TCAIM: variants seen among roughly 807,000 people sequenced by gnomAD.
TCAIM encodes T-cell activation inhibitor, mitochondrial.
In TCAIM, 36 loss-of-function variants were observed where a neutral mutation model predicts 58.6. The ratio of observed to expected loss-of-function variants is 0.61; its 90% confidence interval spans 0.47 to 0.81. TCAIM has a LOEUF of 0.81. TCAIM is among the 30% of genes least tolerant of loss of function. TCAIM has a pLI of 0.00. For synonymous variants in TCAIM, 172 were observed against 193.6 expected (o/e 0.89, Z 0.93); for missense variants, 466 against 579.6 (o/e 0.80, Z 2.01).
At chr3:44,389,221 C>T (rs761166915) in intron 5 of TCAIM, among the ~76,000 whole-genome samples, 22 of 152,120 alleles carry the variant, frequency 1.4e-4, no homozygotes, top group Non-Finnish European at 2.9e-4. Context: ...ACCCAGGAGG[C>T]GGAGGTTGCA....
rs1701402609 is a variant in TCAIM at position 44,367,681 on chromosome 3, A to G, written c.545A>G (p.Gln182Arg). 6.2e-7 allele frequency: 1 copy of G among 1,612,624 alleles called. No homozygotes were observed. The highest frequency in any genetic ancestry group is 2.2e-5 in the East Asian group (1 of 44,836). ...GFKDPDEDLEQVSRVETTLTS... is the reference protein window; with the variant it reads ...GFKDPDEDLERVSRVETTLTS... ...AAGGACCCTGATGAAGACCTTGAAC[A>G]AGTCTCGAGAGTGGAAACAACTCTC... Residue 182 changes from glutamine (Q) to arginine (R), a missense_variant, in exon 5 of 11, where the codon CAA becomes CGA. Physicochemically the swap from Gln to Arg is conservative, Grantham distance 43. Coordinates refer to ENST00000342649, the MANE Select transcript of TCAIM (RefSeq NM_173826.4).
intron 3 of TCAIM, among the ~76,000 whole-genome samples, chr3:44,360,265 T>C (rs1052431548): frequency 7.9e-5 from 12 of 152,062 alleles, no homozygotes; most frequent in African/African-American, 2.7e-4. Context: ...GCAAGCTCCA[T>C]GAAGACTGTT....
At chr3:44,342,687 C>T (rs938397616) in intron 1 of TCAIM, among the ~76,000 whole-genome samples, 1 of 151,134 alleles carries the variant, frequency 6.6e-6, no homozygotes, top group African/African-American at 2.4e-5. Flanking sequence ...ATTTTTTTTC[C>T]TTAAGGTCTT....
chr3:44,348,209 T>G (rs926955753), intron 1 of TCAIM, among the ~76,000 whole-genome samples: 6 of 152,164 alleles, frequency 3.9e-5, no homozygotes, highest in Non-Finnish European at 8.8e-5. Flanking sequence ...GGACTTACCC[T>G]CCACTGTAAG....
In TCAIM at chr3:44,355,219, G is replaced by A. The variant is rs1701168714; in HGVS notation, c.29+408G>A. 2.0e-5 allele frequency among the ~76,000 whole-genome samples: 3 copies of A among 148,950 alleles called. No individual in the cohort carries two copies. In the South Asian group the frequency reaches 6.8e-4, roughly 34 times the overall value. ...CAATGCCTCCTGGCGCATGGCAGGT[G>A]TGCAGTAATTGTTCAATTTGGATAG... On this transcript the variant is annotated intron_variant, in intron 2 of 10. Coordinates refer to ENST00000342649, the MANE Select transcript of TCAIM (RefSeq NM_173826.4).
chr3:44,393,000 AT>A (rs1365297102), intron 6 of TCAIM, 23 bp downstream of exon 6: 1 of 1,587,490 alleles, frequency 6.3e-7, no homozygotes, highest in East Asian at 2.2e-5. Flanking sequence ...AGAGAACCTA[AT>A]TTAGAAATTG....
At chr3:44,343,816 T>C (rs1223970741) in intron 1 of TCAIM, among the ~76,000 whole-genome samples, 2 of 152,222 alleles carry the variant, frequency 1.3e-5, no homozygotes, top group Non-Finnish European at 2.9e-5. Context: ...TGTTTAGATT[T>C]GTATTTGGTA....
At chr3:44,378,496 A>G (rs560752802) in intron 5 of TCAIM, among the ~76,000 whole-genome samples, 1 of 151,778 alleles carries the variant, frequency 6.6e-6, no homozygotes, top group Non-Finnish European at 1.5e-5. Context: ...CAACAGGCGT[A>G]TGAAAAAATG....
chr3:44,366,031 G>A (rs1224021670), intron 4 of TCAIM, among the ~76,000 whole-genome samples: 1 of 152,200 alleles, frequency 6.6e-6, no homozygotes, highest in Admixed American at 6.5e-5. Context: ...GCATGTTGTA[G>A]TGGAGAAAAT....
chr3:44,376,981 T>G (rs1701575511), intron 5 of TCAIM, among the ~76,000 whole-genome samples: 1 of 152,112 alleles, frequency 6.6e-6, no homozygotes, highest in African/African-American at 2.4e-5. Flanking sequence ...CCCCAGCTAC[T>G]CGGGAGGCTG....
chr3:44,393,048 C>A, intron 6 of TCAIM, 71 bp downstream of exon 6: 1 of 1,384,546 alleles, frequency 7.2e-7, no homozygotes. Flanking sequence ...AGCTTTTCAG[C>A]AGCTAAATAT....
At position 44,382,734 on chromosome 3, in the gene TCAIM, A is replaced by G. The variant is rs183745720; in HGVS notation, c.573-10121A>G. 4.7e-4 allele frequency among the ~76,000 whole-genome samples: 71 copies of G among 152,344 alleles called. 1 individual carries two copies. The highest frequency in any genetic ancestry group is 4.2e-3 in the Admixed American group (65 of 15,296). On this transcript the variant is annotated intron_variant, in intron 5 of 10. Transcript: ENST00000342649. ...AACACAGGCAACAAAAGAAAAATAG[A>G]CAAATTGGATTTCATGAACATTTTT...
rs186734671 is a variant in TCAIM at position 44,358,488 on chromosome 3, A to T, written c.165+612A>T. The T allele has an allele frequency of 6.8e-4, 335 of 494,540 alleles. 3 individuals are homozygous for T. The East Asian group carries it at 8.0e-3, about 12-fold the overall frequency. 30.6% of individuals were successfully genotyped at this position (494,540 alleles called of 1,614,324 possible). A position where few individuals can be genotyped will look rare whatever the true frequency, so the allele number is the denominator to read the frequency against. On this transcript the variant is annotated intron_variant, in intron 3 of 10. Transcript: ENST00000342649. ...AAAAAATACATCTGTACTACACATG[A>T]ACAAACTTCTCTTTCTTGTCATTAT...
At chr3:44,365,364 C>G (rs1701357234) in intron 4 of TCAIM, among the ~76,000 whole-genome samples, 1 of 151,454 alleles carries the variant, frequency 6.6e-6, no homozygotes, top group Admixed American at 6.6e-5. Flanking sequence ...GAGTCTTGCT[C>G]TGCTGCCAGG....
intron 1 of TCAIM, among the ~76,000 whole-genome samples, chr3:44,348,763 G>C (rs892066220): frequency 3.9e-5 from 6 of 152,194 alleles, no homozygotes; most frequent in African/African-American, 1.4e-4. Flanking sequence ...GCCCCTCTGG[G>C]TCTAGGGCAG....
chr3:44,361,500 G>A lies in TCAIM; in HGVS notation c.301G>A (p.Glu101Lys). Residue 101 changes from glutamate (E) to lysine (K), a missense_variant, in exon 4 of 11, where the codon GAA becomes AAA. By Grantham distance (56) the Glu-to-Lys change is moderately conservative. Coordinates refer to ENST00000342649, the MANE Select transcript of TCAIM (RefSeq NM_173826.4). ...ETDQSSSDGQ[E>K]PFSTSGFRAV... ...AGACCAGAGTTCCTCCGATGGCCAGGAACCTTTTAGTACTTCCGGTACGTT... is the reference window on the plus strand; with the variant it reads ...AGACCAGAGTTCCTCCGATGGCCAGAAACCTTTTAGTACTTCCGGTACGTT... 1.0e-5 allele frequency: 16 copies of A among 1,601,324 alleles called. No individual in the cohort carries two copies. The highest frequency in any genetic ancestry group is 1.4e-5 in the Non-Finnish European group (16 of 1,175,320).
intron 4 of TCAIM, among the ~76,000 whole-genome samples, chr3:44,365,392 A>G (rs1176582785): frequency 1.3e-5 from 2 of 151,920 alleles, no homozygotes; most frequent in Non-Finnish European, 2.9e-5. Context: ...GCAGTGGCAC[A>G]ATCTCGGCTC....
At chr3:44,357,071 C>G (rs1322506980) in intron 2 of TCAIM, among the ~76,000 whole-genome samples, 1 of 152,000 alleles carries the variant, frequency 6.6e-6, no homozygotes, top group Non-Finnish European at 1.5e-5. Flanking sequence ...ATCTGTATCT[C>G]TTTTTAAGTA....
chr3:44,387,898 A>T (rs1370611437), intron 5 of TCAIM, among the ~76,000 whole-genome samples: 12 of 152,208 alleles, frequency 7.9e-5, no homozygotes, highest in Non-Finnish European at 1.6e-4. Context: ...GAATAAAAAA[A>T]GTTAGAGACT....
Sources: gnomAD v4.1 joint callset for allele counts (sites outside exome capture counted in the v4.1 genomes callset) on GRCh38, gnomAD v4.1.1 for gene constraint, MANE v1.5 for transcripts, NCBI Gene and HGNC (gene_info 2026-07-23, HGNC 2026-07-21) for gene names.